The following TBC1D7 variants were observed in gnomAD, a reference collection of about 807,000 sequenced individuals.
The protein encoded by TBC1D7 is TBC domain family 7.
In TBC1D7, 33 loss-of-function variants were observed where a neutral mutation model predicts 35.3. The observed-to-expected ratio is 0.93, with a 90% confidence interval of 0.71 to 1.25. The LOEUF (loss-of-function observed/expected upper bound fraction) is 1.25, where lower values mean the gene tolerates loss of function less well. Ranked by LOEUF, TBC1D7 falls within the 50% of genes most tolerant of loss-of-function variation. The pLI is 0.00. For synonymous variants in TBC1D7, 135 were observed against 129.5 expected, an observed-to-expected ratio of 1.04 and a Z score of -0.29; for missense variants, 362 against 365.3, an observed-to-expected ratio of 0.99 and a Z score of 0.07.
chr6:13,320,818 GTTT>G lies in TBC1D7; in HGVS notation c.381+87_381+89del, dbSNP rs752807990. 8 of 1,340,244 alleles carry G rather than the reference GTTT, an allele frequency of 6.0e-6. No homozygotes were observed. In the African/African-American group the frequency reaches 1.1e-4, roughly 19 times the overall value. 83.0% of individuals were successfully genotyped at this position (1,340,244 alleles called of 1,614,324 possible). On this transcript the variant is annotated intron_variant, in intron 4 of 7. Transcript: ENST00000379300. ...TAATAACAACAGGGAGCCACCAAAA[GTTT>G]TTAAGGCAAAACATGATGTAATCAA...
chr6:13,305,677 T>G (rs1270230605), intron 7 of TBC1D7: 1 of 177,180 alleles, frequency 5.6e-6, no homozygotes, highest in Non-Finnish European at 1.2e-5. Flanking sequence ...TTTTGGATTC[T>G]GTGAAAATCA....
rs9381921 is a variant in TBC1D7 at position 13,316,684 on chromosome 6, C to T, written c.406G>A (p.Ala136Thr). The stretch of plus-strand genomic sequence containing the variant: ...ATTTCCTCCATGGCTTTAGCTATGG[C>T]AAGAAACACTTCATCATCTGGCTCC... ...PLEPDDEVFL[A>T]IAKAMEEMVE... Residue 136 changes from alanine (A) to threonine (T), a missense_variant, in exon 5 of 8, where the codon GCC becomes ACC. Transcript: ENST00000379300. 428 of 1,614,062 alleles carry T rather than the reference C, an allele frequency of 2.7e-4. 1 individual carries two copies. In the East Asian group the frequency reaches 9.0e-3, roughly 34 times the overall value.
chr6:13,315,068 C>CT (rs1303231466), intron 5 of TBC1D7, among the ~76,000 whole-genome samples: 2 of 152,074 alleles, frequency 1.3e-5, no homozygotes, highest in African/African-American at 4.8e-5. Context: ...GATCACACAG[C>CT]TTTTTTTAAA....
Position 13,323,461 on chromosome 6 carries a change from T to A in TBC1D7, c.193+1633A>T, listed in dbSNP as rs118087995. On this transcript the variant is annotated intron_variant, in intron 3 of 7. Transcript: ENST00000379300. Reference sequence around the variant, plus strand: ...GTGAGGGAAAGCACAACTGCACAACTCCCATTAATCCACTGCAGTTATTAA... The same window carrying A: ...GTGAGGGAAAGCACAACTGCACAACACCCATTAATCCACTGCAGTTATTAA... Among the ~76,000 whole-genome samples, 662 of 152,146 alleles carry A rather than the reference T, an allele frequency of 4.4e-3. 22 individuals carry two copies. In the South Asian group the frequency reaches 0.079, roughly 18 times the overall value.
intron 5 of TBC1D7, among the ~76,000 whole-genome samples, chr6:13,310,610 C>G (rs1783127145): frequency 8.2e-6 from 1 of 121,828 alleles, no homozygotes; most frequent in South Asian, 3.3e-4. Context: ...TGCACTTCAG[C>G]CTGGGTGACA....
In TBC1D7 at chr6:13,321,085, A is replaced by G; in HGVS notation, c.204T>C (p.Pro68=). 6.2e-7 allele frequency: 1 copy of G among 1,612,844 alleles called. No individual in the cohort carries two copies. The highest frequency in any genetic ancestry group is 1.1e-5 in the South Asian group (1 of 90,996). ...CCTTGGCATGGGACTCGTGGTGTGG[A>G]GGCAAGATTCCTAGAGAGAACAGGA... The part of the protein sequence containing the change: ...LVWKVLLGIL[P]PHHESHAKVM... The change falls in exon 4 of 8, where the codon CCT becomes CCC. Residue 68 remains proline, a synonymous_variant. Transcript: ENST00000379300.
At chr6:13,313,538 G>A (rs896466184) in intron 5 of TBC1D7, among the ~76,000 whole-genome samples, 27 of 141,878 alleles carry the variant, frequency 1.9e-4, no homozygotes, top group African/African-American at 6.3e-4. Flanking sequence ...GCATCTGCTC[G>A]TAGGTACCAA....
chr6:13,323,650 C>T (rs1784203051), intron 3 of TBC1D7: 1 of 152,268 alleles, frequency 6.6e-6, no homozygotes, highest in Non-Finnish European at 1.5e-5. Context: ...ACCTACCAGA[C>T]ATAAAAGTGC....
At chr6:13,314,309 A>G (rs2496151) in intron 5 of TBC1D7, among the ~76,000 whole-genome samples, 47,618 of 151,760 alleles carry the variant, frequency 0.31, 7,659 homozygotes, top group South Asian at 0.47. Flanking sequence ...TCTTAGAAGG[A>G]GAAGTAGGGA....
intron 5 of TBC1D7, among the ~76,000 whole-genome samples, chr6:13,311,843 G>A (rs1429761602): frequency 2.0e-5 from 3 of 151,940 alleles, no homozygotes; most frequent in Non-Finnish European, 4.4e-5. Flanking sequence ...ATCAAAATAC[G>A]CTAGAAAGTT....
intron 4 of TBC1D7, chr6:13,318,199 A>C (rs1783774044): frequency 6.6e-6 from 1 of 152,290 alleles, no homozygotes; most frequent in African/African-American, 2.4e-5. Flanking sequence ...AGCTTCTAGA[A>C]TTGTAAGAAA....
chr6:13,315,666 G>A (rs11759028), intron 5 of TBC1D7, among the ~76,000 whole-genome samples: 17,978 of 152,202 alleles, frequency 0.12, 1,308 homozygotes, highest in East Asian at 0.33. Flanking sequence ...GCAGTGAGCC[G>A]AGACCATGCC....
Position 13,306,542 on chromosome 6 carries a change from A to T in TBC1D7, c.666-15T>A. On this transcript the variant is annotated splice_polypyrimidine_tract_variant and intron_variant, in intron 6 of 7. Transcript: ENST00000379300. Reference sequence around the variant, plus strand: ...TATCCCAAACCCTACAAAAATAAGGAGATATAATCAAATTATATGAGTTTC... The same window carrying T: ...TATCCCAAACCCTACAAAAATAAGGTGATATAATCAAATTATATGAGTTTC... The T allele has an allele frequency of 1.3e-6, 2 of 1,562,240 alleles. No individual in the cohort carries two copies. The highest frequency in any genetic ancestry group is 1.7e-6 in the Non-Finnish European group (2 of 1,156,904).
chr6:13,318,690 C>G (rs775932795), intron 4 of TBC1D7: 5 of 152,126 alleles, frequency 3.3e-5, no homozygotes, highest in African/African-American at 4.8e-5. Flanking sequence ...AGTGTTCCAG[C>G]AAATCCATTT....
chr6:13,326,946 C>A, intron 1 of TBC1D7, 40 bp from the exon 2 acceptor site: 2 of 1,192,084 alleles, frequency 1.7e-6, no homozygotes, highest in South Asian at 1.3e-5. Flanking sequence ...GAGAGAAAGA[C>A]GAAGGGGAAA....
At chr6:13,317,598 A>G (rs1783725427) in intron 4 of TBC1D7, among the ~76,000 whole-genome samples, 1 of 152,260 alleles carries the variant, frequency 6.6e-6, no homozygotes, top group South Asian at 2.1e-4. Flanking sequence ...ATCATAGGGA[A>G]TAAGTTTTCT....
intron 3 of TBC1D7, among the ~76,000 whole-genome samples, chr6:13,323,501 C>T (rs1471899678): frequency 6.6e-6 from 1 of 152,150 alleles, no homozygotes; most frequent in Admixed American, 6.5e-5. Context: ...CACACAGCAC[C>T]TCCCATAAAT....
chr6:13,306,294 A>G (rs1401880635), intron 7 of TBC1D7, 104 bp downstream of exon 7: 2 of 1,057,542 alleles, frequency 1.9e-6, no homozygotes, highest in Non-Finnish European at 2.7e-6. Context: ...TATTTCTCTA[A>G]AATCATGTAA....
intron 7 of TBC1D7, 151 bp from the exon 8 acceptor site, chr6:13,305,338 T>C: frequency 2.7e-6 from 2 of 749,808 alleles, no homozygotes. Context: ...ACATGCTACC[T>C]GAGGACATGA....
Sources: allele counts gnomAD v4.1 joint callset (sites outside exome capture counted in the v4.1 genomes callset), GRCh38; gene constraint gnomAD v4.1.1; transcripts MANE v1.5; gene names NCBI Gene and HGNC (gene_info 2026-07-23, HGNC 2026-07-21).